RELN: variants seen among roughly 807,000 people sequenced by gnomAD.
The protein encoded by RELN is reelin.
RELN carries 108 observed loss-of-function variants against 427.6 expected under a neutral mutation model. The ratio of observed to expected loss-of-function variants is 0.25; its 90% confidence interval spans 0.22 to 0.30. The LOEUF (loss-of-function observed/expected upper bound fraction) is 0.30. Ranked by LOEUF, RELN falls within the 10% of genes least tolerant of loss-of-function variation. The probability of loss-of-function intolerance (pLI) is 1.00; values close to 1 mark genes in which losing one functional copy is unlikely to be tolerated. For synonymous variants in RELN, 1,524 were observed against 1,513.4 expected, an observed-to-expected ratio of 1.01 and a Z score of -0.16; for missense variants, 3,715 against 4,302.8, an observed-to-expected ratio of 0.86 and a Z score of 3.82.
chr7:103,730,500 A>G (rs1277791081), intron 6 of RELN, among the ~76,000 whole-genome samples: 1 of 151,998 alleles, frequency 6.6e-6, no homozygotes, highest in Non-Finnish European at 1.5e-5. Flanking sequence ...AAAAAAAACA[A>G]TAAACACAAG....
chr7:103,560,378 A>G (rs1830616326), intron 36 of RELN, among the ~76,000 whole-genome samples: 1 of 152,350 alleles, frequency 6.6e-6, no homozygotes, highest in South Asian at 2.1e-4. Flanking sequence ...GCTGATAGAT[A>G]ATATGTCTAA....
intron 2 of RELN, among the ~76,000 whole-genome samples, chr7:103,907,952 T>C (rs55694378): frequency 0.04 from 6,120 of 152,084 alleles, 389 homozygotes; most frequent in African/African-American, 0.14. Flanking sequence ...CTCCCTCTCC[T>C]TGCCCCCTTA....
intron 25 of RELN, among the ~76,000 whole-genome samples, chr7:103,594,798 G>T (rs1004771392): frequency 3.9e-5 from 6 of 152,048 alleles, no homozygotes; most frequent in East Asian, 1.9e-4. Flanking sequence ...ACTTTTTAAA[G>T]AAATATCAAG....
At chr7:103,815,218 A>G (rs532892819) in intron 3 of RELN, among the ~76,000 whole-genome samples, 126 of 152,206 alleles carry the variant, frequency 8.3e-4, no homozygotes, top group Non-Finnish European at 1.4e-3. Flanking sequence ...TTTTTTTTCC[A>G]TCTTTAAACA....
intron 31 of RELN, among the ~76,000 whole-genome samples, chr7:103,570,404 G>A (rs538754908): frequency 5.9e-5 from 9 of 152,306 alleles, no homozygotes; most frequent in East Asian, 1.9e-4. Flanking sequence ...CTTCCTTGGT[G>A]AGTCCCCATC....
chr7:103,714,585 T>C (rs887872558), intron 8 of RELN, among the ~76,000 whole-genome samples: 2 of 152,218 alleles, frequency 1.3e-5, no homozygotes, highest in Admixed American at 1.3e-4. Context: ...AGCTTCTGGC[T>C]CTCATGAAAT....
chr7:103,944,014 C>T (rs949673277), intron 1 of RELN, among the ~76,000 whole-genome samples: 2 of 152,062 alleles, frequency 1.3e-5, no homozygotes, highest in African/African-American at 4.8e-5. Flanking sequence ...AGCCAGACCT[C>T]TAGAGATTTG....
chr7:103,753,198 A>G lies in RELN; in HGVS notation c.561T>C (p.Thr187=). ...AACACTTACCTAGATGTGGGTGCAC[A>G]GTGACATCTGTTGGAGCTGAATCAA... ...LCEQGAPTDV[T]VHPHLAEIHS... Residue 187 remains threonine (T), a synonymous_variant, in exon 5 of 65, where the codon ACT becomes ACC. Coordinates refer to ENST00000428762, the MANE Select transcript of RELN (RefSeq NM_005045.4). The G allele has an allele frequency of 1.2e-6, 2 of 1,614,138 alleles. No homozygotes were observed. The highest frequency in any genetic ancestry group is 8.5e-7 in the Non-Finnish European group (1 of 1,179,982).
chr7:103,472,969 T>G (rs752535110), intron 64 of RELN, 61 bp from the exon 65 acceptor site: 39 of 1,278,066 alleles, frequency 3.1e-5, no homozygotes, highest in Non-Finnish European at 4.5e-5. Context: ...GTAAGTCCCA[T>G]CATTGAACGT....
chr7:103,764,122 T>G (rs987659081), intron 4 of RELN, among the ~76,000 whole-genome samples: 1 of 152,168 alleles, frequency 6.6e-6, no homozygotes, highest in East Asian at 1.9e-4. Context: ...TAGAATATAT[T>G]GAGTTCAAGG....
At chr7:103,700,308 C>A (rs749783386) in intron 9 of RELN, among the ~76,000 whole-genome samples, 9 of 152,044 alleles carry the variant, frequency 5.9e-5, no homozygotes, top group Non-Finnish European at 1.3e-4. Context: ...CTAGCCAAAT[C>A]TTTTTAACAT....
intron 2 of RELN, among the ~76,000 whole-genome samples, chr7:103,915,472 C>CA (rs145775055): frequency 0.12 from 18,068 of 152,014 alleles, 1,190 homozygotes; most frequent in South Asian, 0.19. Context: ...GTGTTGATTT[C>CA]AAAAAATGAT....
chr7:103,954,074 A>T (rs1796385202), intron 1 of RELN, among the ~76,000 whole-genome samples: 1 of 151,792 alleles, frequency 6.6e-6, no homozygotes, highest in Non-Finnish European at 1.5e-5. Context: ...ACAGAGCAAA[A>T]CCCTGTCTCT....
intron 2 of RELN, among the ~76,000 whole-genome samples, chr7:103,850,703 A>G (rs561897618): frequency 6.6e-6 from 1 of 152,316 alleles, no homozygotes; most frequent in Non-Finnish European, 1.5e-5. Flanking sequence ...TCAAAAGAAG[A>G]TATACAAATG....
At chr7:103,581,991 G>A (rs981263524) in intron 28 of RELN, among the ~76,000 whole-genome samples, 2 of 152,164 alleles carry the variant, frequency 1.3e-5, no homozygotes, top group African/African-American at 4.8e-5. Context: ...TTTTGGAGAA[G>A]TGTGTTGCAT....
chr7:103,694,823 C>A (rs986467031), intron 10 of RELN, among the ~76,000 whole-genome samples: 5 of 103,498 alleles, frequency 4.8e-5, no homozygotes, highest in African/African-American at 1.7e-4. Flanking sequence ...CCATGCCTGG[C>A]TAGTTTTTTT....
chr7:103,949,811 C>T (rs551419652), intron 1 of RELN, among the ~76,000 whole-genome samples: 2 of 152,294 alleles, frequency 1.3e-5, no homozygotes, highest in South Asian at 4.1e-4. Context: ...TCCTACTCTA[C>T]ACCTCTCACA....
chr7:103,787,247 G>A (rs532637509), intron 3 of RELN, among the ~76,000 whole-genome samples: 23 of 152,150 alleles, frequency 1.5e-4, no homozygotes, highest in Non-Finnish European at 2.8e-4. Flanking sequence ...GAGAAAGCAG[G>A]AAAGATCTAA....
At chr7:103,752,441 G>A (rs1206966860) in intron 5 of RELN, among the ~76,000 whole-genome samples, 1 of 152,110 alleles carries the variant, frequency 6.6e-6, no homozygotes, top group Non-Finnish European at 1.5e-5. Flanking sequence ...ACAGGATCTT[G>A]CTCTGCTGCC....
Sources: allele counts gnomAD v4.1 joint callset (sites outside exome capture counted in the v4.1 genomes callset), GRCh38; gene constraint gnomAD v4.1.1; transcripts MANE v1.5; gene names NCBI Gene and HGNC (gene_info 2026-07-23, HGNC 2026-07-21).